The following SPAG16 variants were observed in gnomAD, a reference collection of about 807,000 sequenced individuals.
SPAG16 encodes the protein sperm-associated antigen 16 protein.
A neutral mutation model predicts 80.4 loss-of-function variants in SPAG16; 86 were observed. The ratio of observed to expected loss-of-function variants is 1.07; its 90% CI spans 0.90 to 1.28. SPAG16 has a LOEUF of 1.28. SPAG16 is among the 50% of genes most tolerant of loss of function. SPAG16 has a pLI of 0.00. For missense variants in SPAG16, 870 were observed against 765.3 expected, an observed-to-expected ratio of 1.14 and a Z score of -1.61; for synonymous variants, 294 against 265.9, an observed-to-expected ratio of 1.11 and a Z score of -1.03.
At chr2:213,322,904 T>C (rs1575193236) in intron 5 of SPAG16, among the ~76,000 whole-genome samples, 1 of 152,016 alleles carries the variant, frequency 6.6e-6, no homozygotes, top group Admixed American at 6.5e-5. Flanking sequence ...TGAAGACAGG[T>C]TGGCTTGTTA....
At chr2:213,333,775 G>C (rs1367523420) in intron 5 of SPAG16, among the ~76,000 whole-genome samples, 1 of 152,088 alleles carries the variant, frequency 6.6e-6, no homozygotes, top group East Asian at 1.9e-4. Context: ...TCAATAAATG[G>C]TGCTGGGAAA....
intron 14 of SPAG16, among the ~76,000 whole-genome samples, chr2:214,115,102 A>G (rs1208370412): frequency 2.6e-5 from 4 of 152,344 alleles, no homozygotes; most frequent in Non-Finnish European, 5.9e-5. Flanking sequence ...TTTAAAAAAT[A>G]ATGTCTTGTT....
chr2:213,479,030 A>AT (rs1228689936), intron 9 of SPAG16, among the ~76,000 whole-genome samples: 1 of 150,966 alleles, frequency 6.6e-6, no homozygotes, highest in Non-Finnish European at 1.5e-5. Flanking sequence ...AGCATTAAAA[A>AT]TTTATTCTAG....
At chr2:214,149,075 G>GTATATATATATATATA (rs368500543) in intron 14 of SPAG16, 65 bp from the exon 15 acceptor site, 1 of 301,580 alleles carries the variant, frequency 3.3e-6, no homozygotes, top group Non-Finnish European at 4.4e-6. Context: ...GTGTGTGTGT[G>GTATATATATATATATA]TGTATATATA....
intron 10 of SPAG16, among the ~76,000 whole-genome samples, chr2:213,749,174 A>C (rs1474942843): frequency 6.6e-6 from 1 of 152,096 alleles, no homozygotes; most frequent in African/African-American, 2.4e-5. Flanking sequence ...AAAACAAAAC[A>C]AAACAAAAAA....
At chr2:213,915,528 T>G (rs959176895) in intron 11 of SPAG16, among the ~76,000 whole-genome samples, 1 of 152,314 alleles carries the variant, frequency 6.6e-6, no homozygotes, top group African/African-American at 2.4e-5. Context: ...TAGTCTCTCA[T>G]TGACTGGTAT....
chr2:213,674,090 A>T (rs2063932369), intron 10 of SPAG16, among the ~76,000 whole-genome samples: 1 of 152,124 alleles, frequency 6.6e-6, no homozygotes, highest in African/African-American at 2.4e-5. Flanking sequence ...AGGTGTTATA[A>T]ACTTTAAACA....
At chr2:213,827,067 T>G (rs1278629108) in intron 10 of SPAG16, among the ~76,000 whole-genome samples, 1 of 151,974 alleles carries the variant, frequency 6.6e-6, no homozygotes, top group Non-Finnish European at 1.5e-5. Context: ...TATTTTCTTC[T>G]TATGTGTATC....
chr2:213,810,058 A>G (rs1398921280), intron 10 of SPAG16, among the ~76,000 whole-genome samples: 1 of 152,184 alleles, frequency 6.6e-6, no homozygotes, highest in African/African-American at 2.4e-5. Flanking sequence ...ATTCATCAAA[A>G]AGATAATATT....
chr2:213,813,968 T>A (rs2072349468), intron 10 of SPAG16, among the ~76,000 whole-genome samples: 1 of 151,642 alleles, frequency 6.6e-6, no homozygotes, highest in African/African-American at 2.4e-5. Flanking sequence ...AAAGCAGCAG[T>A]CACAAGCCTG....
intron 10 of SPAG16, among the ~76,000 whole-genome samples, chr2:213,493,825 C>G (rs940208778): frequency 6.6e-6 from 1 of 152,196 alleles, no homozygotes; most frequent in Non-Finnish European, 1.5e-5. Context: ...GGAGAACTCC[C>G]CATCAAACCT....
intron 12 of SPAG16, among the ~76,000 whole-genome samples, chr2:213,987,552 C>T (rs1034915412): frequency 1.3e-5 from 2 of 152,038 alleles, no homozygotes; most frequent in Non-Finnish European, 2.9e-5. Flanking sequence ...TAATATACCA[C>T]TATTCATATT....
At chr2:213,943,293 G>T (rs2079290604) in intron 12 of SPAG16, among the ~76,000 whole-genome samples, 1 of 152,276 alleles carries the variant, frequency 6.6e-6, no homozygotes, top group East Asian at 1.9e-4. Flanking sequence ...ATTTTGAGGT[G>T]CATGCTAAAA....
chr2:213,640,500 C>T (rs1353744887), intron 10 of SPAG16, among the ~76,000 whole-genome samples: 2 of 152,144 alleles, frequency 1.3e-5, no homozygotes, highest in Non-Finnish European at 2.9e-5. Context: ...GCTGGACTGC[C>T]GTGATTGTTA....
intron 9 of SPAG16, among the ~76,000 whole-genome samples, chr2:213,440,025 T>C (rs910787111): frequency 6.6e-6 from 1 of 151,786 alleles, no homozygotes; most frequent in African/African-American, 2.4e-5. Context: ...TAATCAGGAG[T>C]TGGAAACTCT....
At position 214,166,452 on chromosome 2, in the gene SPAG16, C is replaced by T. The variant is rs376043256; in HGVS notation, c.1720+17186C>T. Among the ~76,000 whole-genome samples the T allele has an allele frequency of 3.3e-5, 5 of 152,286 alleles. No homozygotes were observed. In the East Asian group the frequency reaches 7.7e-4, roughly 24 times the overall value. On this transcript the variant is annotated intron_variant, in intron 15 of 15. Transcript: ENST00000331683. ...GTGCACTTGCACAGTGGCTGCATTA[C>T]TCTCCAGCTACAGCTCCCATCAGGC...
At chr2:214,366,010 G>T (rs533086501) in intron 15 of SPAG16, among the ~76,000 whole-genome samples, 6 of 147,270 alleles carry the variant, frequency 4.1e-5, no homozygotes, top group Admixed American at 3.4e-4. Flanking sequence ...CAGGAGTCTC[G>T]CTCTGTAGCC....
chr2:213,348,264 T>A (rs2065113965), intron 6 of SPAG16, among the ~76,000 whole-genome samples: 2 of 152,170 alleles, frequency 1.3e-5, no homozygotes, highest in South Asian at 4.1e-4. Flanking sequence ...TTTGAGCCTA[T>A]GTGTGTCTCT....
chr2:213,854,349 A>G (rs2075054431), intron 10 of SPAG16, among the ~76,000 whole-genome samples: 2 of 152,230 alleles, frequency 1.3e-5, no homozygotes, highest in African/African-American at 4.8e-5. Context: ...AATAGTTGAC[A>G]TTTGTGGAAA....
Sources: allele counts gnomAD v4.1 joint callset (sites outside exome capture counted in the v4.1 genomes callset), GRCh38; gene constraint gnomAD v4.1.1; transcripts MANE v1.5; gene names NCBI Gene and HGNC (gene_info 2026-07-23, HGNC 2026-07-21).